The following SLC44A5 variants were observed in gnomAD, a reference collection of about 807,000 sequenced individuals.
SLC44A5 encodes choline transporter-like protein 5.
A neutral mutation model predicts 101.8 loss-of-function variants in SLC44A5; 57 were observed. The observed-to-expected ratio is 0.56, with a 90% CI of 0.45 to 0.70. The LOEUF is 0.70. SLC44A5 is among the 30% of genes least tolerant of loss of function. SLC44A5 has a pLI of 0.00. For missense variants in SLC44A5, 737 were observed against 853.1 expected (o/e 0.86, Z 1.70); for synonymous variants, 281 against 290.9 (o/e 0.97, Z 0.35).
intron 2 of SLC44A5, among the ~76,000 whole-genome samples, chr1:75,452,854 T>C (rs551196357): frequency 4.8e-4 from 73 of 152,304 alleles, no homozygotes; most frequent in Non-Finnish European, 8.5e-4. Flanking sequence ...ATCCTAAATC[T>C]ATATGCACCC....
the SLC44A5 span, among the ~76,000 whole-genome samples, chr1:75,675,078 C>CT: frequency 3.3e-5 from 5 of 152,244 alleles, no homozygotes; most frequent in East Asian, 5.8e-4. Context: ...GCTTAGGACT[C>CT]TGTCTTGGCC....
rs536250171 is a variant in SLC44A5, at chr1:75,507,353, T to C, written c.13+34082A>G. Among the ~76,000 whole-genome samples, 5 of 152,298 alleles carry C rather than the reference T, an allele frequency of 3.3e-5. No homozygotes were observed. In the East Asian group the frequency reaches 9.6e-4, roughly 29 times the overall value. The stretch of plus-strand genomic sequence containing the variant: ...CCATTTGTGTGGTTGATCACATTCA[T>C]TGATTTGCATATGTTGAACTGACCT... On this transcript the variant is annotated intron_variant, in intron 2 of 23. Transcript: ENST00000370859.
the SLC44A5 span, among the ~76,000 whole-genome samples, chr1:75,647,636 G>A: frequency 6.6e-6 from 1 of 152,322 alleles, no homozygotes; most frequent in East Asian, 1.9e-4. Flanking sequence ...GGCCATGGGA[G>A]CCCACCTCTT....
At chr1:75,562,680 ACT>A (rs2102012437) in intron 1 of SLC44A5, among the ~76,000 whole-genome samples, 1 of 151,606 alleles carries the variant, frequency 6.6e-6, no homozygotes, top group Non-Finnish European at 1.5e-5. Context: ...GAGTGAGACG[ACT>A]CTGTCACAAA....
At chr1:75,437,119 C>T (rs1406515557) in intron 2 of SLC44A5, among the ~76,000 whole-genome samples, 1 of 152,066 alleles carries the variant, frequency 6.6e-6, no homozygotes, top group Admixed American at 6.6e-5. Context: ...AGAATAAGTA[C>T]ACTCTAAAAT....
At position 75,575,772 on chromosome 1, in the gene SLC44A5, T is replaced by G. The variant is rs145210298; in HGVS notation, c.-69-34256A>C. ...GTGGCTAGATTAATTGACAAAAGAA[T>G]ACCTAAACAGCTGCTGTGTGGTGAG... On this transcript the variant is annotated intron_variant, in intron 1 of 23. Coordinates refer to ENST00000370859, the MANE Select transcript of SLC44A5 (RefSeq NM_001130058.2). Among the ~76,000 whole-genome samples, 7 of 152,278 alleles carry G rather than the reference T, an allele frequency of 4.6e-5. No homozygotes were observed. The East Asian group carries it at 7.7e-4, about 17-fold the overall frequency.
intron 4 of SLC44A5, among the ~76,000 whole-genome samples, chr1:75,309,545 G>C (rs971194213): frequency 6.6e-6 from 1 of 152,210 alleles, no homozygotes; most frequent in Non-Finnish European, 1.5e-5. Context: ...AAGAAAAGCA[G>C]TAAATACAAC....
chr1:75,478,732 G>T (rs1667607822), intron 2 of SLC44A5, among the ~76,000 whole-genome samples: 2 of 152,216 alleles, frequency 1.3e-5, no homozygotes, highest in South Asian at 2.1e-4. Flanking sequence ...CCCAATACAG[G>T]AGCCCCCAGA....
At chr1:75,711,720 C>A in the SLC44A5 span, among the ~76,000 whole-genome samples, 2 of 152,134 alleles carry the variant, frequency 1.3e-5, no homozygotes, top group African/African-American at 4.8e-5. Flanking sequence ...TGTGGGGGTA[C>A]GGTGATGTGT....
chr1:75,295,880 A>C (rs978049482), intron 5 of SLC44A5, among the ~76,000 whole-genome samples: 1 of 151,984 alleles, frequency 6.6e-6, no homozygotes, highest in African/African-American at 2.4e-5. Flanking sequence ...GTGATGTGCT[A>C]GATTTCCTTA....
At chr1:75,427,936 G>A (rs574838844) in intron 2 of SLC44A5, among the ~76,000 whole-genome samples, 28 of 152,254 alleles carry the variant, frequency 1.8e-4, no homozygotes, top group Admixed American at 3.3e-4. Flanking sequence ...CTTCCTTGTG[G>A]TTGGATGGAG....
At position 75,605,959 on chromosome 1, in the gene SLC44A5, C is replaced by T. The variant is rs561564811; in HGVS notation, c.-70+5081G>A. ...GGTAATCTTTTGTTGTGAGGAGGTA[C>T]ATTATAGAATGTTAGTAGCATCCCT... On this transcript the variant is annotated intron_variant, in intron 1 of 23. Coordinates refer to ENST00000370859, the MANE Select transcript of SLC44A5 (RefSeq NM_001130058.2). Among the ~76,000 whole-genome samples the T allele has an allele frequency of 5.9e-5, 9 of 152,066 alleles. No individual in the cohort carries two copies. The South Asian group carries it at 1.9e-3, about 31-fold the overall frequency.
chr1:75,254,286 G>A (rs1209084586), intron 6 of SLC44A5, among the ~76,000 whole-genome samples: 1 of 152,118 alleles, frequency 6.6e-6, no homozygotes, highest in Non-Finnish European at 1.5e-5. Context: ...TGATCTGCCT[G>A]CATCGGCCTC....
In SLC44A5 at chr1:75,506,983, CA is replaced by C. The variant is rs1669297223; in HGVS notation, c.13+34451del. ...GGAATGCAGTGGCTTGATCTTGGCT[CA>C]CTGTAATCTCTGCCTCCCAGGCTAA... On this transcript the variant is annotated intron_variant, in intron 2 of 23. Transcript: ENST00000370859. Among the ~76,000 whole-genome samples, 5 of 136,130 alleles carry C rather than the reference CA, an allele frequency of 3.7e-5. 1 individual carries two copies. In the South Asian group the frequency reaches 1.2e-3, roughly 33 times the overall value. The allele number at this position is 136,130 out of a possible 152,430, so 89.3% of individuals were successfully genotyped here.
the SLC44A5 span, among the ~76,000 whole-genome samples, chr1:75,712,183 G>T: frequency 6.6e-6 from 1 of 152,158 alleles, no homozygotes; most frequent in South Asian, 2.1e-4. Flanking sequence ...GTAAAGACTG[G>T]TTTTACCCTT....
At chr1:75,552,791 C>G (rs1001537016) in intron 1 of SLC44A5, among the ~76,000 whole-genome samples, 1 of 152,004 alleles carries the variant, frequency 6.6e-6, no homozygotes, top group Non-Finnish European at 1.5e-5. Context: ...CTAAGAGAAG[C>G]TCTTTTATTT....
Position 75,242,881 on chromosome 1 carries a change from CAT to C in SLC44A5, c.471+3_471+4del. On this transcript the variant is annotated splice_donor_region_variant and intron_variant, in intron 8 of 23. Coordinates refer to ENST00000370859, the MANE Select transcript of SLC44A5 (RefSeq NM_001130058.2). Reference sequence around the variant, plus strand: ...TTCTCTTGCTTTAAGCTTAAACACACATACCTTCACAGGCTTAGCAGTGGTCT... The same window carrying C: ...TTCTCTTGCTTTAAGCTTAAACACACACCTTCACAGGCTTAGCAGTGGTCT... The C allele has an allele frequency of 1.9e-6, 3 of 1,585,186 alleles. No individual in the cohort carries two copies. In the African/African-American group the frequency reaches 4.1e-5, roughly 22 times the overall value.
intron 1 of SLC44A5, among the ~76,000 whole-genome samples, chr1:75,570,400 A>G (rs1464725635): frequency 6.6e-6 from 1 of 152,244 alleles, no homozygotes; most frequent in Non-Finnish European, 1.5e-5. Context: ...ATACACAAAG[A>G]GAAAGGCTAA....
the SLC44A5 span, among the ~76,000 whole-genome samples, chr1:75,718,827 T>C: frequency 1.3e-5 from 2 of 152,320 alleles, no homozygotes; most frequent in Admixed American, 6.5e-5. Flanking sequence ...AAGAAAACTT[T>C]TTTGTTTTGA....
Sources: allele counts gnomAD v4.1 joint callset (sites outside exome capture counted in the v4.1 genomes callset), GRCh38; gene constraint gnomAD v4.1.1; transcripts MANE v1.5; gene names NCBI Gene and HGNC (gene_info 2026-07-23, HGNC 2026-07-21).